Variants in KCNN2 observed in about 807,000 individuals in gnomAD.
The protein encoded by KCNN2 is potassium calcium-activated channel subfamily N member 2, also known as small conductance calcium-activated potassium channel protein 2.
A neutral mutation model predicts 55.5 loss-of-function variants in KCNN2; 24 were observed. The ratio of observed to expected loss-of-function variants is 0.43; its 90% confidence interval spans 0.31 to 0.61. The LOEUF (loss-of-function observed/expected upper bound fraction) is 0.61, where lower values mean the gene tolerates loss of function less well. Ranked by LOEUF, KCNN2 falls within the 20% of genes least tolerant of loss-of-function variation. The pLI is 0.08. For synonymous variants in KCNN2, 431 were observed against 336.1 expected, an observed-to-expected ratio of 1.28 and a Z score of -3.09; for missense variants, 754 against 853.6, an observed-to-expected ratio of 0.88 and a Z score of 1.45.
chr5:114,322,049 A>G (rs1756625184), intron 2 of KCNN2, among the ~76,000 whole-genome samples: 1 of 152,242 alleles, frequency 6.6e-6, no homozygotes, highest in Admixed American at 6.5e-5. Context: ...AGAAGTTTTC[A>G]ATAACATTCT....
intron 1 of KCNN2, among the ~76,000 whole-genome samples, chr5:114,077,622 A>G (rs1750709213): frequency 6.6e-6 from 1 of 152,172 alleles, no homozygotes; most frequent in South Asian, 2.1e-4. Context: ...ACACTTCAGT[A>G]TGATATTATA....
chr5:114,477,257 C>T (rs1325029227), intron 5 of KCNN2, among the ~76,000 whole-genome samples: 1 of 152,070 alleles, frequency 6.6e-6, no homozygotes, highest in Non-Finnish European at 1.5e-5. Flanking sequence ...TCTGTTCTCC[C>T]AGGAACAGAT....
Position 114,454,990 on chromosome 5 carries a change from C to A in KCNN2, c.1638-8059C>A, listed in dbSNP as rs1284996720. 1.3e-5 allele frequency among the ~76,000 whole-genome samples: 2 copies of A among 152,076 alleles called. 1 individual carries two copies. The highest frequency in any genetic ancestry group is 3.8e-4 in the East Asian group (2 of 5,198). On this transcript the variant is annotated intron_variant, in intron 3 of 7. Coordinates refer to ENST00000673685, the MANE Select transcript of KCNN2 (RefSeq NM_021614.4). ...TATTTGTTTACTATTTGCTCCATCT[C>A]TTTTTTTCCTTTATTTCTGGCTCTC...
chr5:114,447,222 C>T (rs917793271), intron 3 of KCNN2, among the ~76,000 whole-genome samples: 2 of 152,164 alleles, frequency 1.3e-5, no homozygotes, highest in African/African-American at 4.8e-5. Context: ...CCAAGCTGGG[C>T]ACATAGTAAT....
chr5:114,346,155 G>A (rs373501425), intron 2 of KCNN2, among the ~76,000 whole-genome samples: 86 of 152,250 alleles, frequency 5.6e-4, no homozygotes, highest in African/African-American at 2.0e-3. Context: ...CAGGAATTGG[G>A]GTTGGGGAGC....
At chr5:114,191,598 G>T (rs374500916) in intron 1 of KCNN2, among the ~76,000 whole-genome samples, 8 of 152,144 alleles carry the variant, frequency 5.3e-5, no homozygotes, top group African/African-American at 1.9e-4. Context: ...TGGATGATCT[G>T]TGTTTAGCAT....
At chr5:114,494,042 A>G (rs1468026135) in intron 7 of KCNN2, among the ~76,000 whole-genome samples, 2 of 152,132 alleles carry the variant, frequency 1.3e-5, no homozygotes, top group Non-Finnish European at 2.9e-5. Flanking sequence ...CAGTCTCCAA[A>G]TTATTCTACC....
intron 1 of KCNN2, among the ~76,000 whole-genome samples, chr5:114,062,435 A>G (rs1750352208): frequency 6.6e-6 from 1 of 152,202 alleles, no homozygotes; most frequent in African/African-American, 2.4e-5. Flanking sequence ...TAGGAGAAAA[A>G]TAGGTTTACT....
intron 5 of KCNN2, among the ~76,000 whole-genome samples, chr5:114,486,118 C>G (rs918569916): frequency 6.6e-6 from 1 of 152,166 alleles, no homozygotes; most frequent in Non-Finnish European, 1.5e-5. Flanking sequence ...ACTACACTGC[C>G]TTTCTTAAAA....
chr5:114,098,420 C>T (rs1751306818), intron 1 of KCNN2, among the ~76,000 whole-genome samples: 1 of 151,934 alleles, frequency 6.6e-6, no homozygotes, highest in Non-Finnish European at 1.5e-5. Context: ...AAGTGGCAGG[C>T]AAGTGAGCAT....
intron 2 of KCNN2, among the ~76,000 whole-genome samples, chr5:114,285,079 G>C (rs1196426981): frequency 6.6e-6 from 1 of 150,870 alleles, no homozygotes; most frequent in South Asian, 2.1e-4. Context: ...TCAGGAGATC[G>C]AGACCATCTT....
chr5:114,113,224 C>T (rs1751638472), intron 1 of KCNN2, among the ~76,000 whole-genome samples: 1 of 152,024 alleles, frequency 6.6e-6, no homozygotes, highest in Non-Finnish European at 1.5e-5. Flanking sequence ...TAAAGTCTCT[C>T]TTGCTACTCT....
chr5:114,382,403 G>A (rs1758151689), intron 2 of KCNN2, among the ~76,000 whole-genome samples: 1 of 152,212 alleles, frequency 6.6e-6, no homozygotes, highest in African/African-American at 2.4e-5. Flanking sequence ...TCCCCAGCCT[G>A]AACTTGAGTC....
At chr5:114,422,755 G>GT (rs201796430) in intron 3 of KCNN2, among the ~76,000 whole-genome samples, 213 of 152,072 alleles carry the variant, frequency 1.4e-3, no homozygotes, top group South Asian at 9.8e-3. Flanking sequence ...GCTGTGGGCT[G>GT]TTTTTTTTGA....
At chr5:114,099,729 T>G (rs1269802202) in intron 1 of KCNN2, among the ~76,000 whole-genome samples, 1 of 152,176 alleles carries the variant, frequency 6.6e-6, no homozygotes, top group Non-Finnish European at 1.5e-5. Flanking sequence ...ACCAGATTGC[T>G]TTTCTTCAGA....
intron 2 of KCNN2, among the ~76,000 whole-genome samples, chr5:114,301,288 C>G (rs1446558271): frequency 1.3e-5 from 2 of 152,126 alleles, no homozygotes; most frequent in African/African-American, 4.8e-5. Flanking sequence ...AAAACTTTAT[C>G]TCACTATGTC....
chr5:114,131,778 C>T (rs1046833696), intron 1 of KCNN2, among the ~76,000 whole-genome samples: 41 of 152,184 alleles, frequency 2.7e-4, no homozygotes, highest in African/African-American at 9.6e-4. Flanking sequence ...TCTTCACAAC[C>T]TCAACAACAT....
At chr5:114,408,201 C>CTT (rs767007143) in intron 3 of KCNN2, among the ~76,000 whole-genome samples, 16 of 139,772 alleles carry the variant, frequency 1.1e-4, no homozygotes, top group African/African-American at 3.1e-4. Context: ...GGCTTTCTAG[C>CTT]TTTTTTTTTT....
rs867664285 is a variant in KCNN2 at position 114,232,981 on chromosome 5, C to T, written c.-185+11416C>T. 3.1e-4 allele frequency among the ~76,000 whole-genome samples: 35 copies of T among 112,568 alleles called. 1 individual carries two copies. The South Asian group carries it at 0.011, about 37-fold the overall frequency. The allele number at this position is 112,568 out of a possible 152,430, so 73.8% of individuals were successfully genotyped here. A position where few individuals can be genotyped will look rare whatever the true frequency, so the allele number is the denominator to read the frequency against. On this transcript the variant is annotated intron_variant, in intron 2 of 10. Transcript: ENST00000512097. The stretch of plus-strand genomic sequence containing the variant: ...TGTCGCCCAGGCTGGAGTGCAGTGG[C>T]GGGATCTCGGCTCACTGCAAGCTCC...
Sources: gnomAD v4.1 joint callset for allele counts (sites outside exome capture counted in the v4.1 genomes callset) on GRCh38, gnomAD v4.1.1 for gene constraint, MANE v1.5 for transcripts, NCBI Gene and HGNC (gene_info 2026-07-23, HGNC 2026-07-21) for gene names.